MAMDC2: variants seen among roughly 807,000 people sequenced by gnomAD.
MAMDC2 encodes the protein MAM domain-containing protein 2.
Under a neutral mutation model 89.8 loss-of-function variants are expected in MAMDC2, and 57 were observed. That is an observed-to-expected ratio of 0.63 (90% confidence interval 0.51 to 0.79). The LOEUF is 0.79. Ranked by LOEUF, MAMDC2 falls within the 30% of genes least tolerant of loss-of-function variation. The probability of loss-of-function intolerance (pLI) is 0.00; values close to 1 mark genes in which losing one functional copy is unlikely to be tolerated. For synonymous variants in MAMDC2, 313 were observed against 293.4 expected (o/e 1.07, Z -0.68); for missense variants, 800 against 820.6 (o/e 0.97, Z 0.31).
intron 11 of MAMDC2, chr9:70,188,512 A>G (rs2032807714): frequency 2.0e-5 from 3 of 152,014 alleles, no homozygotes; most frequent in Admixed American, 2.0e-4. Flanking sequence ...AGGGATTTCA[A>G]TTAACATCTT....
intron 2 of MAMDC2, among the ~76,000 whole-genome samples, chr9:70,093,138 T>G (rs1383935021): frequency 6.6e-6 from 1 of 152,180 alleles, no homozygotes; most frequent in Non-Finnish European, 1.5e-5. Context: ...TCATAGGAAC[T>G]CCTATTTTCT....
At chr9:70,148,723 C>T (rs1013293574) in intron 9 of MAMDC2, among the ~76,000 whole-genome samples, 14 of 149,320 alleles carry the variant, frequency 9.4e-5, no homozygotes, top group Non-Finnish European at 1.0e-4. Flanking sequence ...GGTAATAGCC[C>T]GTCTCTACTT....
At chr9:70,121,717 GA>G (rs11342785) in intron 5 of MAMDC2, among the ~76,000 whole-genome samples, 116,713 of 143,488 alleles carry the variant, frequency 0.81, 47,038 homozygotes, top group Admixed American at 0.87. Flanking sequence ...TCTGACAAAG[GA>G]AAAAAAAAAA....
At chr9:70,095,776 A>T (rs1828014816) in intron 2 of MAMDC2, among the ~76,000 whole-genome samples, 1 of 152,170 alleles carries the variant, frequency 6.6e-6, no homozygotes. Flanking sequence ...GAAAAAAACT[A>T]AATAATGGTT....
In MAMDC2 at chr9:70,126,431, C is replaced by T. The variant is rs543377700; in HGVS notation, c.900+16C>T. On this transcript the variant is annotated intron_variant, in intron 6 of 13. Transcript: ENST00000377182. Reference sequence around the variant, plus strand: ...CCCCATGGAGGTAGGTGTACTGGTGCGCACCAGCTGTTCACTGGCACTCTT... The same window carrying T: ...CCCCATGGAGGTAGGTGTACTGGTGTGCACCAGCTGTTCACTGGCACTCTT... 20 of 1,604,290 alleles carry T rather than the reference C, an allele frequency of 1.2e-5. No homozygotes were observed. Among genetic ancestry groups the T allele is most frequent in the Middle Eastern group, 2.0e-4 (1 of 5,054 alleles).
intron 2 of MAMDC2, among the ~76,000 whole-genome samples, chr9:70,092,027 A>G (rs1211936658): frequency 6.6e-6 from 1 of 152,206 alleles, no homozygotes; most frequent in African/African-American, 2.4e-5. Flanking sequence ...TCTTTACCTT[A>G]GGTAAATGAC....
chr9:70,211,582 T>C (rs1303388974), intron 11 of MAMDC2, among the ~76,000 whole-genome samples: 1 of 152,162 alleles, frequency 6.6e-6, no homozygotes, highest in Non-Finnish European at 1.5e-5. Flanking sequence ...CATCCACCTT[T>C]AGCTATTAGT....
At chr9:70,156,184 C>T (rs753931991) in intron 9 of MAMDC2, among the ~76,000 whole-genome samples, 1 of 152,048 alleles carries the variant, frequency 6.6e-6, no homozygotes, top group Non-Finnish European at 1.5e-5. Flanking sequence ...AAAATCTTTC[C>T]CTTTTAGGAA....
intron 5 of MAMDC2, among the ~76,000 whole-genome samples, chr9:70,114,370 T>A (rs548219351): frequency 1.3e-5 from 2 of 151,124 alleles, no homozygotes; most frequent in Admixed American, 1.3e-4. Flanking sequence ...GATCTTTTGA[T>A]GTTTCAAGAT....
chr9:70,143,340 T>G (rs1329325092), intron 8 of MAMDC2, among the ~76,000 whole-genome samples: 1 of 152,246 alleles, frequency 6.6e-6, no homozygotes, highest in Non-Finnish European at 1.5e-5. Context: ...TGTACTGGTT[T>G]ATAAAGTTTA....
At chr9:70,203,008 C>T (rs1440008152) in intron 11 of MAMDC2, among the ~76,000 whole-genome samples, 8 of 152,114 alleles carry the variant, frequency 5.3e-5, no homozygotes, top group East Asian at 1.9e-4. Flanking sequence ...ACTCTTTATC[C>T]AATTTGCCAG....
At chr9:70,170,441 G>A (rs1354888345) in intron 10 of MAMDC2, 38 bp from the exon 11 acceptor site, 43 of 1,567,866 alleles carry the variant, frequency 2.7e-5, no homozygotes, top group Non-Finnish European at 3.6e-5. Flanking sequence ...GTCATTGAAA[G>A]AGTCTCAGTG....
chr9:70,178,052 A>G (rs532823652), intron 11 of MAMDC2, among the ~76,000 whole-genome samples: 16 of 152,268 alleles, frequency 1.1e-4, no homozygotes, highest in African/African-American at 3.6e-4. Flanking sequence ...TATGTATCCT[A>G]CACCCCACAA....
At position 70,177,045 on chromosome 9, in the gene MAMDC2, A is replaced by G. The variant is rs571608510; in HGVS notation, c.1651+6414A>G. On this transcript the variant is annotated intron_variant, in intron 11 of 13. Coordinates refer to ENST00000377182, the MANE Select transcript of MAMDC2 (RefSeq NM_153267.5). ...AACAATGACCAATAATAGAATAATT[A>G]CAATATATTGTTCTCAATTTCACAG... 2.1e-4 allele frequency among the ~76,000 whole-genome samples: 32 copies of G among 152,320 alleles called. No homozygotes were observed. The South Asian group carries it at 5.2e-3, about 25-fold the overall frequency.
At chr9:70,086,384 A>G (rs144738119) in intron 2 of MAMDC2, 1 of 152,306 alleles carries the variant, frequency 6.6e-6, no homozygotes, top group Non-Finnish European at 1.5e-5. Context: ...TGTGCAGTTA[A>G]TTGTGAAACA....
chr9:70,148,751 C>G (rs2118438538), intron 9 of MAMDC2, among the ~76,000 whole-genome samples: 1 of 149,980 alleles, frequency 6.7e-6, no homozygotes, highest in African/African-American at 2.5e-5. Context: ...TTTTAAAGGC[C>G]AGGCGCGGTG....
intron 5 of MAMDC2, among the ~76,000 whole-genome samples, chr9:70,118,347 C>G (rs1259819918): frequency 7.2e-6 from 1 of 139,296 alleles, no homozygotes; most frequent in East Asian, 2.1e-4. Flanking sequence ...CACACACACA[C>G]AGTCCTCATG....
intron 11 of MAMDC2, among the ~76,000 whole-genome samples, chr9:70,210,318 T>G (rs4744991): frequency 2.0e-5 from 3 of 152,082 alleles, no homozygotes; most frequent in Non-Finnish European, 4.4e-5. Flanking sequence ...TCTGGATGCT[T>G]CTGTATTGGG....
At chr9:70,194,965 T>C (rs1184718371) in intron 11 of MAMDC2, among the ~76,000 whole-genome samples, 1 of 152,100 alleles carries the variant, frequency 6.6e-6, no homozygotes, top group Non-Finnish European at 1.5e-5. Flanking sequence ...ATTTTTCTAA[T>C]TTGTTAGTAA....
Sources: allele counts gnomAD v4.1 joint callset (sites outside exome capture counted in the v4.1 genomes callset), GRCh38; gene constraint gnomAD v4.1.1; transcripts MANE v1.5; gene names NCBI Gene and HGNC (gene_info 2026-07-23, HGNC 2026-07-21).